Variants in NR5A2 observed in about 807,000 individuals in gnomAD.
The protein encoded by NR5A2 is CYP7A promoter-binding factor.
NR5A2 carries 26 observed loss-of-function variants against 62.7 expected under a neutral mutation model. That is an observed-to-expected ratio of 0.41 (90% CI 0.30 to 0.58). NR5A2 has a LOEUF of 0.58. Ranked by LOEUF, NR5A2 falls within the 20% of genes least tolerant of loss-of-function variation. NR5A2 has a pLI of 0.22. For synonymous variants in NR5A2, 246 were observed against 241.7 expected (o/e 1.02, Z -0.16); for missense variants, 541 against 669.1 (o/e 0.81, Z 2.11).
At chr1:200,041,403 C>A (rs1052106739) in intron 2 of NR5A2, among the ~76,000 whole-genome samples, 15 of 152,100 alleles carry the variant, frequency 9.9e-5, no homozygotes, top group African/African-American at 3.6e-4. Context: ...AGCGCCGGGG[C>A]AAGGCTTCGT....
At chr1:200,116,044 G>GA (rs1173750787) in intron 6 of NR5A2, among the ~76,000 whole-genome samples, 1 of 151,994 alleles carries the variant, frequency 6.6e-6, no homozygotes, top group Non-Finnish European at 1.5e-5. Flanking sequence ...GCCCTGTTGA[G>GA]AAAATGATTA....
At chr1:200,133,562 C>T (rs200943478) in intron 7 of NR5A2, among the ~76,000 whole-genome samples, 54,955 of 138,650 alleles carry the variant, frequency 0.4, 11,480 homozygotes, top group Middle Eastern at 0.5. Context: ...TATATACACA[C>T]ATATATATAT....
At chr1:200,155,996 A>G (rs1396654600) in intron 7 of NR5A2, among the ~76,000 whole-genome samples, 1 of 152,112 alleles carries the variant, frequency 6.6e-6, no homozygotes, top group African/African-American at 2.4e-5. Context: ...TTCAACAGTT[A>G]CTTAAATCCA....
chr1:200,142,799 TAATC>T (rs908182787), intron 7 of NR5A2, among the ~76,000 whole-genome samples: 10 of 152,180 alleles, frequency 6.6e-5, no homozygotes, highest in African/African-American at 1.9e-4. Context: ...CCTTTTTAAT[TAATC>T]AATTTATTTA....
chr1:200,104,014 A>C (rs987628420), intron 5 of NR5A2, among the ~76,000 whole-genome samples: 12 of 152,214 alleles, frequency 7.9e-5, no homozygotes, highest in Non-Finnish European at 1.6e-4. Flanking sequence ...AATAGAAAAG[A>C]GAGAGTCCAG....
At chr1:200,101,084 G>A (rs1440804884) in intron 5 of NR5A2, among the ~76,000 whole-genome samples, 1 of 152,134 alleles carries the variant, frequency 6.6e-6, no homozygotes. Context: ...TCTTAAGGAT[G>A]TGACATTATC....
rs551030111 is a variant in NR5A2, at chr1:200,038,834, G to A, written c.65-824G>A. On this transcript the variant is annotated intron_variant, in intron 1 of 7. Transcript: ENST00000367362. ...GCCAGGGTGGGGTGGGAGGGGGTGA[G>A]GCGGGGTGAAGAGGTTGGGGCAGGC... 4 of 1,154,698 alleles carry A rather than the reference G, an allele frequency of 3.5e-6. No homozygotes were observed. The Admixed American group carries it at 1.1e-4, about 31-fold the overall frequency. The allele number at this position is 1,154,698 out of a possible 1,614,324, so 71.5% of individuals were successfully genotyped here.
At position 200,039,738 on chromosome 1, in the gene NR5A2, G is replaced by T; in HGVS notation, c.145G>T (p.Ala49Ser). The T allele has an allele frequency of 6.2e-7, 1 of 1,611,702 alleles. No homozygotes were observed. Among genetic ancestry groups the T allele is most frequent in the Non-Finnish European group, 8.5e-7 (1 of 1,178,964 alleles). ...CATGCTGCCCAAAGTGGAGACGGAA[G>T]CCCTGGGACTGGCTCGATCGCATGG... ...LVMLPKVETE[A>S]LGLARSHGEQ... Residue 49 changes from alanine to serine, a missense_variant, in exon 2 of 8, where the codon GCC becomes TCC. Coordinates refer to ENST00000367362, the MANE Select transcript of NR5A2 (RefSeq NM_205860.3). The surrounding 1 kb of genome is among the most constrained non-coding windows in gnomAD (Gnocchi z 5.1).
At chr1:200,085,662 CAAAAAAAAAA>C (rs779455520) in intron 5 of NR5A2, among the ~76,000 whole-genome samples, 1 of 91,150 alleles carries the variant, frequency 1.1e-5, no homozygotes, top group Non-Finnish European at 2.3e-5. Flanking sequence ...AGACCTATCT[CAAAAAAAAAA>C]AAAAAGAAAA....
chr1:200,091,868 C>T (rs1416919433), intron 5 of NR5A2, among the ~76,000 whole-genome samples: 8 of 151,950 alleles, frequency 5.3e-5, no homozygotes, highest in Non-Finnish European at 8.8e-5. Context: ...GACTGATGTG[C>T]ACATGTGGAG....
intron 5 of NR5A2, among the ~76,000 whole-genome samples, chr1:200,086,776 C>T (rs577843325): frequency 1.6e-4 from 25 of 152,288 alleles, no homozygotes; most frequent in African/African-American, 4.6e-4. Flanking sequence ...AGGTGGCTCA[C>T]GCCTCTAATT....
intron 7 of NR5A2, among the ~76,000 whole-genome samples, chr1:200,125,960 C>T (rs952040388): frequency 1.3e-5 from 2 of 152,020 alleles, no homozygotes; most frequent in East Asian, 1.9e-4. Flanking sequence ...ATGATCCTCT[C>T]GCCTCAGCCT....
Position 200,039,539 on chromosome 1 carries a change from C to A in NR5A2, c.65-119C>A. The A allele has an allele frequency of 6.8e-7, 1 of 1,465,314 alleles. No individual in the cohort carries two copies. Among genetic ancestry groups the A allele is most frequent in the Non-Finnish European group, 9.4e-7 (1 of 1,068,996 alleles). 90.8% of individuals were successfully genotyped at this position (1,465,314 alleles called of 1,614,324 possible). A position where few individuals can be genotyped will look rare whatever the true frequency, so the allele number is the denominator to read the frequency against. On this transcript the variant is annotated intron_variant, in intron 1 of 7. Transcript: ENST00000367362. This position sits in a 1 kb window ranked among gnomAD's most constrained non-coding sequence, Gnocchi z 5.1. ...ACCGGACAGGGCTCAGAGGTCCTGC[C>A]CGGCAGCCCCGAGGAGGCGGAGGCA...
intron 5 of NR5A2, among the ~76,000 whole-genome samples, chr1:200,056,992 G>A (rs1662943445): frequency 6.6e-6 from 1 of 152,138 alleles, no homozygotes; most frequent in Non-Finnish European, 1.5e-5. Context: ...CTTAAGCCTC[G>A]GCAGCCAAGA....
chr1:200,067,872 A>G (rs1219016843), intron 5 of NR5A2, among the ~76,000 whole-genome samples: 2 of 152,212 alleles, frequency 1.3e-5, no homozygotes, highest in African/African-American at 2.4e-5. Flanking sequence ...AATGGCTGAG[A>G]ACATTTAGTG....
intron 5 of NR5A2, among the ~76,000 whole-genome samples, chr1:200,110,834 GC>G (rs1435606044): frequency 6.6e-6 from 1 of 152,082 alleles, no homozygotes; most frequent in African/African-American, 2.4e-5. Flanking sequence ...ATAAGCATAG[GC>G]AATCTGGGGT....
intron 1 of NR5A2, among the ~76,000 whole-genome samples, chr1:200,034,820 A>G (rs1419179244): frequency 8.1e-6 from 1 of 124,132 alleles, no homozygotes; most frequent in Admixed American, 8.6e-5. Context: ...TTTTTAAACA[A>G]GGCACGACTG....
In NR5A2 at chr1:200,063,196, G is replaced by GT. The variant is rs71817790; in HGVS notation, c.1110+14387dup. Among the ~76,000 whole-genome samples, 557 of 150,560 alleles carry GT rather than the reference G, an allele frequency of 3.7e-3. 3 individuals carry two copies. The highest frequency in any genetic ancestry group is 0.012 in the African/African-American group (477 of 41,174). On this transcript the variant is annotated intron_variant, in intron 5 of 7. Coordinates refer to ENST00000367362, the MANE Select transcript of NR5A2 (RefSeq NM_205860.3). ...ATGCCACCACACCCAGCTAATTTTT[G>GT]TTTTTTTTTAGTGGAGACAGTGTTT...
At chr1:200,038,473 CA>C (rs961226722) in intron 1 of NR5A2, among the ~76,000 whole-genome samples, 3 of 152,246 alleles carry the variant, frequency 2.0e-5, no homozygotes, top group Admixed American at 6.5e-5. Flanking sequence ...TCGGCCCCTT[CA>C]GGGCGCCGGG....
Sources: allele counts gnomAD v4.1 joint callset (sites outside exome capture counted in the v4.1 genomes callset), GRCh38; gene constraint gnomAD v4.1.1; non-coding constraint Gnocchi (gnomAD v3.1); transcripts MANE v1.5; gene names NCBI Gene and HGNC (gene_info 2026-07-23, HGNC 2026-07-21).